The following GRB14 variants were observed in gnomAD, a reference collection of about 807,000 sequenced individuals.
GRB14 encodes the protein growth factor receptor bound protein 14.
Under a neutral mutation model 69.1 loss-of-function variants are expected in GRB14, and 38 were observed. The observed-to-expected ratio is 0.55, with a 90% CI of 0.42 to 0.72. GRB14 has a LOEUF of 0.72. Among genes scored for constraint, GRB14 ranks in the 30% least tolerant of loss-of-function variants. The pLI is 0.00. For missense variants in GRB14, 666 were observed against 666.1 expected, an observed-to-expected ratio of 1.00 and a Z score of 0.00; for synonymous variants, 247 against 241.3, an observed-to-expected ratio of 1.02 and a Z score of -0.22.
chr2:164,562,602 A>G (rs1688858258), intron 2 of GRB14, among the ~76,000 whole-genome samples: 1 of 152,222 alleles, frequency 6.6e-6, no homozygotes, highest in Non-Finnish European at 1.5e-5. Flanking sequence ...TAAACTGTTT[A>G]TGAAACTAGT....
chr2:164,530,595 G>GA (rs1339795528), intron 3 of GRB14, among the ~76,000 whole-genome samples: 1 of 151,954 alleles, frequency 6.6e-6, no homozygotes. Flanking sequence ...ACCTAAAGGA[G>GA]AAGAGGACAG....
chr2:164,583,646 A>C (rs1689467211), intron 2 of GRB14, among the ~76,000 whole-genome samples: 1 of 152,238 alleles, frequency 6.6e-6, no homozygotes. Context: ...GTAAAATAAT[A>C]AAATAGTTTT....
intron 3 of GRB14, among the ~76,000 whole-genome samples, chr2:164,528,631 T>C (rs1307065069): frequency 6.6e-6 from 1 of 152,126 alleles, no homozygotes; most frequent in African/African-American, 2.4e-5. Flanking sequence ...TGATTGCTCC[T>C]TTTCTATCCC....
intron 2 of GRB14, among the ~76,000 whole-genome samples, chr2:164,599,402 A>G (rs1689862928): frequency 6.6e-6 from 1 of 152,204 alleles, no homozygotes; most frequent in South Asian, 2.1e-4. Flanking sequence ...ACCATCTTTA[A>G]TCCACCACAG....
At chr2:164,578,155 C>T (rs1443717698) in intron 2 of GRB14, among the ~76,000 whole-genome samples, 1 of 151,996 alleles carries the variant, frequency 6.6e-6, no homozygotes, top group Non-Finnish European at 1.5e-5. Context: ...ATTGCTTGAA[C>T]CTGGGAGGTG....
At position 164,552,297 on chromosome 2, in the gene GRB14, G is replaced by A. The variant is rs1016389890; in HGVS notation, c.325-4481C>T. 3.9e-5 allele frequency among the ~76,000 whole-genome samples: 6 copies of A among 152,128 alleles called. No individual in the cohort carries two copies. The East Asian group carries it at 1.2e-3, about 29-fold the overall frequency. On this transcript the variant is annotated intron_variant, in intron 2 of 13. Coordinates refer to ENST00000263915, the MANE Select transcript of GRB14 (RefSeq NM_004490.3). ...CTCTCTTTATTCATAATTTATCATTGTATCACAGGAACCTACCCCAGGGTG... is the reference window on the plus strand; with the variant it reads ...CTCTCTTTATTCATAATTTATCATTATATCACAGGAACCTACCCCAGGGTG...
At chr2:164,587,884 C>G (rs1361502564) in intron 2 of GRB14, among the ~76,000 whole-genome samples, 2 of 152,138 alleles carry the variant, frequency 1.3e-5, no homozygotes, top group African/African-American at 4.8e-5. Flanking sequence ...AATGGCGTCA[C>G]TGTGGTCCAC....
intron 2 of GRB14, among the ~76,000 whole-genome samples, chr2:164,594,161 T>C (rs968460928): frequency 1.3e-5 from 2 of 151,490 alleles, no homozygotes; most frequent in Admixed American, 6.6e-5. Flanking sequence ...AAAAAAAAAG[T>C]CTATCTTGTG....
intron 2 of GRB14, among the ~76,000 whole-genome samples, chr2:164,554,639 A>G (rs1307081458): frequency 6.6e-6 from 1 of 152,198 alleles, no homozygotes; most frequent in Non-Finnish European, 1.5e-5. Context: ...GGAGTAGTTT[A>G]CAGCTTCAAA....
intron 2 of GRB14, among the ~76,000 whole-genome samples, chr2:164,557,891 G>C (rs1211900125): frequency 6.6e-6 from 1 of 152,060 alleles, no homozygotes; most frequent in East Asian, 1.9e-4. Flanking sequence ...CAGGAGTCCT[G>C]GATATGAATT....
intron 6 of GRB14, among the ~76,000 whole-genome samples, chr2:164,511,812 G>C (rs550915273): frequency 2.0e-5 from 3 of 152,228 alleles, no homozygotes; most frequent in Non-Finnish European, 2.9e-5. Flanking sequence ...CAGATGGATA[G>C]AGCACCAGGA....
chr2:164,599,617 T>A (rs1018350899), intron 2 of GRB14, among the ~76,000 whole-genome samples: 1 of 152,182 alleles, frequency 6.6e-6, no homozygotes, highest in South Asian at 2.1e-4. Context: ...TAATAGAGAA[T>A]TGATAGAAGC....
At chr2:164,512,316 GCCA>G (rs1386110026) in intron 6 of GRB14, among the ~76,000 whole-genome samples, 1 of 152,078 alleles carries the variant, frequency 6.6e-6, no homozygotes, top group Non-Finnish European at 1.5e-5. Context: ...ACAGGCTTGT[GCCA>G]CCACGCCTGG....
chr2:164,507,357 C>A (rs1055104256), intron 8 of GRB14, among the ~76,000 whole-genome samples: 2 of 152,110 alleles, frequency 1.3e-5, no homozygotes, highest in Non-Finnish European at 2.9e-5. Flanking sequence ...AATGGGGGAA[C>A]CTAAGGACTT....
At chr2:164,620,423 G>A (rs1690427672) in intron 1 of GRB14, among the ~76,000 whole-genome samples, 1 of 152,076 alleles carries the variant, frequency 6.6e-6, no homozygotes, top group Non-Finnish European at 1.5e-5. Flanking sequence ...AGTGTTTTGA[G>A]GCGGTAAGTT....
At chr2:164,576,823 T>C (rs185354515) in intron 2 of GRB14, among the ~76,000 whole-genome samples, 1 of 113,238 alleles carries the variant, frequency 8.8e-6, no homozygotes, top group East Asian at 2.0e-4. Context: ...AAATTAAAAC[T>C]TGAAAAAAAA....
intron 9 of GRB14, among the ~76,000 whole-genome samples, chr2:164,501,835 T>A (rs1057213366): frequency 1.3e-5 from 2 of 151,852 alleles, no homozygotes; most frequent in Non-Finnish European, 2.9e-5. Flanking sequence ...ATTGTGACAA[T>A]CCCAGAATCG....
At chr2:164,579,500 T>TGCGCGCAC (rs571961893) in intron 2 of GRB14, among the ~76,000 whole-genome samples, 2,793 of 119,618 alleles carry the variant, frequency 0.023, 78 homozygotes, top group African/African-American at 0.083. Flanking sequence ...AGGGCACACT[T>TGCGCGCAC]GCACACACAC....
intron 3 of GRB14, among the ~76,000 whole-genome samples, chr2:164,538,610 C>A (rs1398851942): frequency 6.6e-6 from 1 of 152,132 alleles, no homozygotes; most frequent in Admixed American, 6.5e-5. Context: ...TCAGGCCATT[C>A]AGAGATTCAT....
Sources: allele counts gnomAD v4.1 joint callset (sites outside exome capture counted in the v4.1 genomes callset), GRCh38; gene constraint gnomAD v4.1.1; transcripts MANE v1.5; gene names NCBI Gene and HGNC (gene_info 2026-07-23, HGNC 2026-07-21).